Variants in IGLON5 observed in about 807,000 individuals in gnomAD.
IGLON5 encodes the protein IgLON family member 5.
Under a neutral mutation model 38.2 loss-of-function variants are expected in IGLON5, and 16 were observed. The ratio of observed to expected loss-of-function variants is 0.42; its 90% CI spans 0.28 to 0.64. The LOEUF is 0.64. Ranked by LOEUF, IGLON5 falls within the 30% of genes least tolerant of loss-of-function variation. IGLON5 has a pLI of 0.23. For synonymous variants in IGLON5, 207 were observed against 216.4 expected, an observed-to-expected ratio of 0.96 and a Z score of 0.38; for missense variants, 366 against 483.4, an observed-to-expected ratio of 0.76 and a Z score of 2.28.
chr19:51,329,039 TAGCTC>T lies in IGLON5; in HGVS notation c.*283_*287del. 1 of 292,636 alleles carries T rather than the reference TAGCTC, an allele frequency of 3.4e-6. No homozygotes were observed. 18.1% of individuals were successfully genotyped at this position (292,636 alleles called of 1,614,324 possible). On this transcript the variant is annotated 3_prime_UTR_variant, in exon 8 of 8. Coordinates refer to ENST00000270642, the MANE Select transcript of IGLON5 (RefSeq NM_001101372.3). The surrounding 1 kb of genome is among the most constrained non-coding windows in gnomAD (Gnocchi z 4.3). ...CCCGCCACCCCATACCCCTCTCTCTTAGCTCAGGCTGTCAACTGGCTTGTGTGGGT... is the reference window on the plus strand; with the variant it reads ...CCCGCCACCCCATACCCCTCTCTCTTAGGCTGTCAACTGGCTTGTGTGGGT...
intron 1 of IGLON5, 64 bp downstream of exon 1, chr19:51,311,990 G>A: frequency 1.1e-6 from 1 of 897,560 alleles, no homozygotes; most frequent in Non-Finnish European, 1.5e-6. Context: ...GGTAATCGGG[G>A]GATCAGGGGT....
intron 1 of IGLON5, among the ~76,000 whole-genome samples, chr19:51,313,665 T>TTC (rs765050543): frequency 1.2e-5 from 1 of 80,014 alleles, no homozygotes; most frequent in African/African-American, 7.0e-5. Context: ...CTTTCTTTCT[T>TTC]TCTTTCTTTC....
chr19:51,327,329 CAGCTTCT>C lies in IGLON5; in HGVS notation c.767+132_767+138del. 7.7e-7 allele frequency: 1 copy of C among 1,294,882 alleles called. No homozygotes were observed. The highest frequency in any genetic ancestry group is 1.1e-6 in the Non-Finnish European group (1 of 947,480). 80.2% of individuals were successfully genotyped at this position (1,294,882 alleles called of 1,614,324 possible). A position where few individuals can be genotyped will look rare whatever the true frequency, so the allele number is the denominator to read the frequency against. ...CTCTGGGTCCCGAACCTGGGGCGTC[CAGCTTCT>C]AGGTGATGGGATCTGTCCAGCCCCG... On this transcript the variant is annotated intron_variant, in intron 6 of 7. Coordinates refer to ENST00000270642, the MANE Select transcript of IGLON5 (RefSeq NM_001101372.3). The surrounding 1 kb of genome is among the most constrained non-coding windows in gnomAD (Gnocchi z 7.1).
At chr19:51,319,294 T>TGTGTGTGC (rs1491132239) in intron 1 of IGLON5, among the ~76,000 whole-genome samples, 1 of 115,402 alleles carries the variant, frequency 8.7e-6, no homozygotes, top group African/African-American at 4.2e-5. Context: ...TCCAATTCCC[T>TGTGTGTGC]GTGTGTGTGC....
rs1282120404 is a variant in IGLON5, at chr19:51,327,565, G to T, written c.768-167G>T. On this transcript the variant is annotated intron_variant, in intron 6 of 7. Coordinates refer to ENST00000270642, the MANE Select transcript of IGLON5 (RefSeq NM_001101372.3). This position sits in a 1 kb window ranked among gnomAD's most constrained non-coding sequence, Gnocchi z 7.1. ...GAGAGGCCAGGGTGCCTGGAGGGGG[G>T]CGGCGGTGGGAGTGACCCGAGGTAC... Among the ~76,000 whole-genome samples, 2 of 152,134 alleles carry T rather than the reference G, an allele frequency of 1.3e-5. No homozygotes were observed. Among genetic ancestry groups the T allele is most frequent in the Admixed American group, 1.3e-4 (2 of 15,278 alleles).
chr19:51,322,265 T>G, intron 2 of IGLON5, 123 bp downstream of exon 2: 1 of 769,350 alleles, frequency 1.3e-6, no homozygotes. Flanking sequence ...GGGCTCCACA[T>G]TCCCCCTCAG....
In IGLON5 at chr19:51,324,794, G is replaced by C. The variant is rs966744898; in HGVS notation, c.392-552G>C. On this transcript the variant is annotated intron_variant, in intron 3 of 7. Transcript: ENST00000270642. This position sits in a 1 kb window ranked among gnomAD's most constrained non-coding sequence, Gnocchi z 4.2. Reference sequence around the variant, plus strand: ...CCTGCTTGGAGAAATGTTCAAATGGGAGAGGGGAGTGGAAAGCACAGATGA... The same window carrying C: ...CCTGCTTGGAGAAATGTTCAAATGGCAGAGGGGAGTGGAAAGCACAGATGA... Among the ~76,000 whole-genome samples, 1 of 151,302 alleles carries C rather than the reference G, an allele frequency of 6.6e-6. No individual in the cohort carries two copies. Among genetic ancestry groups the C allele is most frequent in the Non-Finnish European group, 1.5e-5 (1 of 67,984 alleles).
At chr19:51,314,755 T>C (rs573878451) in intron 1 of IGLON5, among the ~76,000 whole-genome samples, 1 of 152,326 alleles carries the variant, frequency 6.6e-6, no homozygotes, top group African/African-American at 2.4e-5. Flanking sequence ...TCTTCTCTCT[T>C]CTTTTATTCA....
chr19:51,325,483 G>C lies in IGLON5; in HGVS notation c.511+18G>C, dbSNP rs200204178. 1 of 1,602,798 alleles carries C rather than the reference G, an allele frequency of 6.2e-7. No individual in the cohort carries two copies. Among genetic ancestry groups the C allele is most frequent in the Admixed American group, 1.7e-5 (1 of 58,270 alleles). On this transcript the variant is annotated intron_variant, in intron 4 of 7. Coordinates refer to ENST00000270642, the MANE Select transcript of IGLON5 (RefSeq NM_001101372.3). The surrounding 1 kb of genome is among the most constrained non-coding windows in gnomAD (Gnocchi z 5.5). ...GCTCCGAGGTGAGGACCCCATCCCA[G>C]GTCAAAAGCCCCGTCCCCCACTGCG...
chr19:51,323,653 T>C lies in IGLON5; in HGVS notation c.159-9T>C, dbSNP rs1169905463. The C allele has an allele frequency of 5.0e-6, 8 of 1,599,632 alleles. No homozygotes were observed. Among genetic ancestry groups the C allele is most frequent in the Non-Finnish European group, 6.0e-6 (7 of 1,168,858 alleles). On this transcript the variant is annotated splice_polypyrimidine_tract_variant and intron_variant, in intron 2 of 7. Coordinates refer to ENST00000270642, the MANE Select transcript of IGLON5 (RefSeq NM_001101372.3). ...TGGAGAAAAACCTTCCCACTCATTC[T>C]CCCTGCAGCTGCTTCATCGACGAGC...
rs1465280402 is a variant in IGLON5 at position 51,311,945 on chromosome 19, CG to C, written c.79+25del. On this transcript the variant is annotated intron_variant, in intron 1 of 7. Transcript: ENST00000270642. ...AGCCGAGGTACCGCAGCGCCGGGGG[CG>C]GGGGGCTCGGCCGGGACGCCAGGGT... 2.2e-5 allele frequency: 28 copies of C among 1,277,340 alleles called. No individual in the cohort carries two copies. Among genetic ancestry groups the C allele is most frequent in the South Asian group, 8.8e-5 (4 of 45,664 alleles). 79.1% of individuals were successfully genotyped at this position (1,277,340 alleles called of 1,614,324 possible). A position where few individuals can be genotyped will look rare whatever the true frequency, so the allele number is the denominator to read the frequency against.
chr19:51,326,628 A>G (rs1051254498), intron 4 of IGLON5, 136 bp from the exon 5 acceptor site: 2 of 27,982 alleles, frequency 7.1e-5, no homozygotes, highest in Non-Finnish European at 6.8e-5. Flanking sequence ...CCCCTCCCCC[A>G]CCCCACCCCC....
chr19:51,327,310 G>T lies in IGLON5; in HGVS notation c.767+110G>T. 6.9e-7 allele frequency: 1 copy of T among 1,445,296 alleles called. No homozygotes were observed. Among genetic ancestry groups the T allele is most frequent in the South Asian group, 1.3e-5 (1 of 76,554 alleles). 89.5% of individuals were successfully genotyped at this position (1,445,296 alleles called of 1,614,324 possible). ...GCGGGGGAAGGCAGCAGAGCTCTGG[G>T]TCCCGAACCTGGGGCGTCCAGCTTC... On this transcript the variant is annotated intron_variant, in intron 6 of 7. Transcript: ENST00000270642. The surrounding 1 kb of genome is among the most constrained non-coding windows in gnomAD (Gnocchi z 7.1).
intron 4 of IGLON5, among the ~76,000 whole-genome samples, chr19:51,326,161 A>G (rs919947284): frequency 1.3e-5 from 2 of 152,100 alleles, no homozygotes; most frequent in African/African-American, 4.8e-5. Context: ...CCATGGTGCC[A>G]GTCACTAGAT....
In IGLON5 at chr19:51,327,932, G is replaced by A. The variant is rs1214749952; in HGVS notation, c.922+46G>A. On this transcript the variant is annotated intron_variant, in intron 7 of 7. Transcript: ENST00000270642. This position sits in a 1 kb window ranked among gnomAD's most constrained non-coding sequence, Gnocchi z 7.1. ...GGGCCGGGAAGGTGGGCGGGGCCGG[G>A]GGCGGGGCTAGGGAAGTGGAGACGC... 4 of 1,458,212 alleles carry A rather than the reference G, an allele frequency of 2.7e-6. No individual in the cohort carries two copies. Among genetic ancestry groups the A allele is most frequent in the South Asian group, 1.4e-5 (1 of 71,894 alleles). The allele number at this position is 1,458,212 out of a possible 1,614,324, so 90.3% of individuals were successfully genotyped here.
chr19:51,326,898 T>A lies in IGLON5; in HGVS notation c.646T>A (p.Tyr216Asn). 1 of 1,569,522 alleles carries A rather than the reference T, an allele frequency of 6.4e-7. No individual in the cohort carries two copies. The highest frequency in any genetic ancestry group is 8.6e-7 in the Non-Finnish European group (1 of 1,157,370). The change falls in exon 5 of 8, where the codon TAT (tyrosine) becomes AAT (asparagine). Residue 216 changes from tyrosine to asparagine, a missense_variant and splice_region_variant. By Grantham distance (143) the Tyr-to-Asn change is moderately radical. Transcript: ENST00000270642. ...DSRRVLVTVN[Y>N]PPTITDVTSA... Reference sequence around the variant, plus strand: ...CCGCCGCGTGCTGGTCACAGTCAACTGTGAGCCCCCCTGGCACTGGGCACG... The same window carrying A: ...CCGCCGCGTGCTGGTCACAGTCAACAGTGAGCCCCCCTGGCACTGGGCACG...
Position 51,328,944 on chromosome 19 carries a change from A to C in IGLON5, c.*185A>C. On this transcript the variant is annotated 3_prime_UTR_variant, in exon 8 of 8. Coordinates refer to ENST00000270642, the MANE Select transcript of IGLON5 (RefSeq NM_001101372.3). ...TTCAGAGAACCCATCACTGTGAGGG[A>C]TAACGCAAAATTATGCATCTTTCTA... The C allele has an allele frequency of 2.0e-6, 1 of 505,620 alleles. No homozygotes were observed. The highest frequency in any genetic ancestry group is 3.4e-5 in the East Asian group (1 of 29,354). 31.3% of individuals were successfully genotyped at this position (505,620 alleles called of 1,614,324 possible).
intron 1 of IGLON5, 97 bp from the exon 2 acceptor site, chr19:51,321,967 G>C: frequency 1.0e-6 from 1 of 995,414 alleles, no homozygotes; most frequent in Non-Finnish European, 1.6e-6. Flanking sequence ...GGAGACGTCT[G>C]TGTCCACAAG....
chr19:51,312,462 G>C (rs1016494091), intron 1 of IGLON5, among the ~76,000 whole-genome samples: 2 of 152,092 alleles, frequency 1.3e-5, no homozygotes, highest in African/African-American at 4.8e-5. Flanking sequence ...GGGGACAAGG[G>C]TGTCCACAGA....
Sources: gnomAD v4.1 joint callset for allele counts (sites outside exome capture counted in the v4.1 genomes callset) on GRCh38, gnomAD v4.1.1 for gene constraint, Gnocchi (gnomAD v3.1) non-coding constraint, MANE v1.5 for transcripts, NCBI Gene and HGNC (gene_info 2026-07-23, HGNC 2026-07-21) for gene names.